TMEM232: variants seen among roughly 807,000 people sequenced by gnomAD.
TMEM232 encodes the protein transmembrane protein 232.
In TMEM232, 80 loss-of-function variants were observed where a neutral mutation model predicts 78.8. The ratio of observed to expected loss-of-function variants is 1.01; its 90% CI spans 0.85 to 1.22. The LOEUF is 1.22. TMEM232 is among the 50% of genes most tolerant of loss of function. TMEM232 has a pLI of 0.00. For missense variants in TMEM232, 881 were observed against 742.2 expected (o/e 1.19, Z -2.17); for synonymous variants, 297 against 254.3 (o/e 1.17, Z -1.60).
intron 11 of TMEM232, among the ~76,000 whole-genome samples, chr5:110,544,459 A>T: frequency 6.7e-6 from 1 of 148,682 alleles, no homozygotes; most frequent in East Asian, 2.0e-4. Context: ...AAAAAAAAAA[A>T]GCCTTTACAA....
At chr5:110,684,981 T>C (rs541760625) in intron 1 of TMEM232, 2 of 152,146 alleles carry the variant, frequency 1.3e-5, no homozygotes, top group African/African-American at 2.4e-5. Context: ...TCTTAACGAA[T>C]TGCAAAATGT....
chr5:110,566,652 C>T (rs1776379486), intron 11 of TMEM232, among the ~76,000 whole-genome samples: 1 of 151,928 alleles, frequency 6.6e-6, no homozygotes, highest in Non-Finnish European at 1.5e-5. Context: ...TTGTCCACAT[C>T]ACTATCAGCA....
At chr5:110,394,985 G>C (rs186107549) in intron 3 of TMEM232, among the ~76,000 whole-genome samples, 1 of 152,122 alleles carries the variant, frequency 6.6e-6, no homozygotes, top group African/African-American at 2.4e-5. Flanking sequence ...CTGTTGTTTT[G>C]CTTAAGTCTC....
chr5:110,581,183 A>G (rs1454684885), intron 10 of TMEM232, among the ~76,000 whole-genome samples: 1 of 151,976 alleles, frequency 6.6e-6, no homozygotes, highest in Non-Finnish European at 1.5e-5. Context: ...ATTCATATGA[A>G]ATTGAAAAAT....
chr5:110,465,859 A>G (rs960589961), intron 12 of TMEM232, among the ~76,000 whole-genome samples: 5 of 152,314 alleles, frequency 3.3e-5, no homozygotes, highest in East Asian at 1.9e-4. Flanking sequence ...TAGTTCTCCA[A>G]TATTTATTGG....
chr5:110,680,761 T>C (rs930827740), intron 1 of TMEM232, among the ~76,000 whole-genome samples: 9 of 152,046 alleles, frequency 5.9e-5, no homozygotes, highest in African/African-American at 1.4e-4. Flanking sequence ...ATAACTGCAC[T>C]GACATTAACA....
upstream of TMEM232, among the ~76,000 whole-genome samples, chr5:110,727,786 G>A (rs1798304811): frequency 6.6e-6 from 1 of 152,116 alleles, no homozygotes; most frequent in Non-Finnish European, 1.5e-5. Context: ...TGTGATCTCA[G>A]GCTTCTCTGA....
chr5:110,492,849 TAA>T (rs113551683), intron 12 of TMEM232, among the ~76,000 whole-genome samples: 2 of 151,984 alleles, frequency 1.3e-5, no homozygotes, highest in African/African-American at 4.8e-5. Context: ...AGAAGACACT[TAA>T]AAATTTTTGA....
exon 5 of TMEM232, chr5:110,388,025 T>G (rs1466471515): frequency 6.6e-6 from 1 of 152,176 alleles, no homozygotes; most frequent in East Asian, 1.9e-4. Context: ...CGAACACATG[T>G]GTGTGAGTTA....
At chr5:110,445,244 T>A (rs1183835026) in intron 12 of TMEM232, among the ~76,000 whole-genome samples, 1 of 151,992 alleles carries the variant, frequency 6.6e-6, no homozygotes, top group South Asian at 2.1e-4. Flanking sequence ...ATTTGATGAG[T>A]CTTATCTCTC....
At chr5:110,706,541 T>A (rs924479359) in intron 1 of TMEM232, among the ~76,000 whole-genome samples, 7 of 152,198 alleles carry the variant, frequency 4.6e-5, no homozygotes, top group African/African-American at 1.7e-4. Flanking sequence ...AGAATGCGTA[T>A]AAAGGTGGTC....
chr5:110,654,502 G>A (rs1299634061), intron 2 of TMEM232, among the ~76,000 whole-genome samples: 1 of 152,098 alleles, frequency 6.6e-6, no homozygotes, highest in African/African-American at 2.4e-5. Context: ...CTATTCCATT[G>A]ATCTATATCT....
chr5:110,566,877 A>C (rs949680685), intron 11 of TMEM232, among the ~76,000 whole-genome samples: 4 of 151,898 alleles, frequency 2.6e-5, no homozygotes, highest in Admixed American at 6.6e-5. Flanking sequence ...AGAAATACCC[A>C]AGACTGGGTA....
chr5:110,696,811 T>C (rs1455961093), intron 1 of TMEM232, among the ~76,000 whole-genome samples: 1 of 151,882 alleles, frequency 6.6e-6, no homozygotes, highest in Non-Finnish European at 1.5e-5. Context: ...TACAAAGAAA[T>C]GGAAGAACAT....
chr5:110,508,951 T>C (rs112174311), intron 12 of TMEM232, among the ~76,000 whole-genome samples: 3 of 137,762 alleles, frequency 2.2e-5, no homozygotes, highest in African/African-American at 5.7e-5. Flanking sequence ...CACACACACA[T>C]ATATGTGTAT....
intron 1 of TMEM232, among the ~76,000 whole-genome samples, chr5:110,694,615 C>A (rs976036459): frequency 2.6e-5 from 4 of 151,960 alleles, no homozygotes. Context: ...GGAAGATCTA[C>A]CAAGCAAATG....
At chr5:110,565,782 A>G (rs1364639859) in intron 11 of TMEM232, among the ~76,000 whole-genome samples, 2 of 152,074 alleles carry the variant, frequency 1.3e-5, no homozygotes, top group Non-Finnish European at 2.9e-5. Context: ...ACAATGTTAA[A>G]TATTAGCAAT....
intron 3 of TMEM232, among the ~76,000 whole-genome samples, chr5:110,391,313 G>GTA (rs1755176014): frequency 7.0e-6 from 1 of 142,608 alleles, no homozygotes; most frequent in Non-Finnish European, 1.5e-5. Context: ...GTGTGTGTGT[G>GTA]TGTGTGTGTG....
chr5:110,563,421 G>C (rs921163595), intron 11 of TMEM232, among the ~76,000 whole-genome samples: 2 of 151,762 alleles, frequency 1.3e-5, no homozygotes, highest in African/African-American at 4.8e-5. Context: ...AATTTGAGTT[G>C]ACTTAGTTAT....
Sources: allele counts gnomAD v4.1 joint callset (sites outside exome capture counted in the v4.1 genomes callset), GRCh38; gene constraint gnomAD v4.1.1; transcripts MANE v1.5; gene names NCBI Gene and HGNC (gene_info 2026-07-23, HGNC 2026-07-21).